GPHN: variants seen among roughly 807,000 people sequenced by gnomAD.
The protein encoded by GPHN is gephyrin.
GPHN carries 17 observed loss-of-function variants against 95.5 expected under a neutral mutation model. That is an observed-to-expected ratio of 0.18 (90% CI 0.12 to 0.27). The LOEUF is 0.27. GPHN is among the 10% of genes least tolerant of loss of function. GPHN has a pLI of 1.00. For synonymous variants in GPHN, 320 were observed against 322.5 expected (o/e 0.99, Z 0.08); for missense variants, 660 against 978.1 (o/e 0.67, Z 4.34).
At chr14:67,350,354 G>C in the GPHN span, among the ~76,000 whole-genome samples, 2 of 152,006 alleles carry the variant, frequency 1.3e-5, no homozygotes, top group Non-Finnish European at 2.9e-5. Flanking sequence ...TTGAAAATAA[G>C]GAAAAATGTT....
At chr14:67,602,701 G>A in the GPHN span, among the ~76,000 whole-genome samples, 2 of 152,228 alleles carry the variant, frequency 1.3e-5, no homozygotes, top group East Asian at 3.9e-4. Context: ...CAACAAACTA[G>A]TATTAGTAGA....
the GPHN span, chr14:67,353,126 CT>C: frequency 9.9e-7 from 1 of 1,011,952 alleles, no homozygotes. Context: ...TAAAATTATC[CT>C]TTATCCTTTG....
At chr14:67,420,819 T>C in the GPHN span, among the ~76,000 whole-genome samples, 1 of 152,214 alleles carries the variant, frequency 6.6e-6, no homozygotes, top group East Asian at 1.9e-4. Flanking sequence ...AGATCCCAAA[T>C]TGAGGTCTTT....
chr14:67,492,755 G>T, the GPHN span, among the ~76,000 whole-genome samples: 1 of 152,192 alleles, frequency 6.6e-6, no homozygotes, highest in Non-Finnish European at 1.5e-5. Context: ...GAAGTCCTGT[G>T]GTAGCTGGTT....
chr14:66,978,358 T>G (rs151119780), intron 9 of GPHN, among the ~76,000 whole-genome samples: 1,832 of 152,330 alleles, frequency 0.012, 19 homozygotes, highest in Non-Finnish European at 0.018. Context: ...ACAGTGAAAC[T>G]TCCTTCAAAA....
the GPHN span, among the ~76,000 whole-genome samples, chr14:67,368,098 G>A: frequency 6.6e-6 from 1 of 152,158 alleles, no homozygotes. Context: ...GTGCCATGCA[G>A]GGCCACATGG....
chr14:67,431,972 G>A, the GPHN span, among the ~76,000 whole-genome samples: 6 of 152,210 alleles, frequency 3.9e-5, no homozygotes, highest in East Asian at 7.7e-4. Flanking sequence ...TTCATGTTGC[G>A]CTCACAGTGA....
At chr14:67,590,040 C>T in the GPHN span, 6 of 1,535,966 alleles carry the variant, frequency 3.9e-6, no homozygotes, top group Admixed American at 1.3e-4. Flanking sequence ...TAAGAGTCAT[C>T]TCCCATGGAA....
At chr14:67,497,015 C>T in the GPHN span, among the ~76,000 whole-genome samples, 1 of 151,934 alleles carries the variant, frequency 6.6e-6, no homozygotes, top group Non-Finnish European at 1.5e-5. Flanking sequence ...CCAGGCTGGT[C>T]TCCTGACCTC....
the GPHN span, among the ~76,000 whole-genome samples, chr14:67,214,223 G>A: frequency 6.6e-6 from 1 of 152,152 alleles, no homozygotes; most frequent in Non-Finnish European, 1.5e-5. Context: ...TGGTGTTTTA[G>A]ACGTGAAGTC....
At chr14:67,323,232 C>CATGT in the GPHN span, among the ~76,000 whole-genome samples, 30 of 143,624 alleles carry the variant, frequency 2.1e-4, no homozygotes, top group African/African-American at 7.5e-4. Context: ...CATATATACA[C>CATGT]GTGTGTGTGT....
chr14:66,750,050 A>G (rs1185286998), intron 2 of GPHN, among the ~76,000 whole-genome samples: 1 of 151,864 alleles, frequency 6.6e-6, no homozygotes, highest in African/African-American at 2.4e-5. Flanking sequence ...ACTGTTGACT[A>G]TAGTCACCCA....
At chr14:66,514,207 A>C (rs1228572312) in intron 1 of GPHN, among the ~76,000 whole-genome samples, 1 of 152,060 alleles carries the variant, frequency 6.6e-6, no homozygotes, top group Non-Finnish European at 1.5e-5. Context: ...AATTAGGCAC[A>C]AAGTATAGAA....
rs867088397 is a variant in GPHN, at chr14:66,583,968, A to G, written c.64+75377A>G. On this transcript the variant is annotated intron_variant, in intron 1 of 22. Transcript: ENST00000478722. ...GGGGATGGCATTGAATCTATAAATT[A>G]CCTTGGGCAGTATGGCCATTTTCAC... Among the ~76,000 whole-genome samples, 554 of 152,154 alleles carry G rather than the reference A, an allele frequency of 3.6e-3. 12 individuals carry two copies. The highest frequency in any genetic ancestry group is 0.013 in the African/African-American group (528 of 41,528).
At chr14:66,516,962 T>A (rs1295903884) in intron 1 of GPHN, among the ~76,000 whole-genome samples, 3 of 151,566 alleles carry the variant, frequency 2.0e-5, no homozygotes, top group Admixed American at 2.0e-4. Context: ...AAACCCCACC[T>A]CTACTAAAAA....
the GPHN span, chr14:67,204,925 C>T: frequency 2.0e-5 from 33 of 1,613,594 alleles, no homozygotes; most frequent in South Asian, 3.4e-4. Flanking sequence ...CACAGATCTT[C>T]CAGAAAATGA....
At chr14:66,562,241 A>G (rs1429499360) in intron 1 of GPHN, among the ~76,000 whole-genome samples, 2 of 152,172 alleles carry the variant, frequency 1.3e-5, no homozygotes, top group Non-Finnish European at 1.5e-5. Context: ...TTTCAGTTAG[A>G]TGAATAAATT....
chr14:66,610,936 A>G (rs1211840850), intron 1 of GPHN, among the ~76,000 whole-genome samples: 1 of 152,124 alleles, frequency 6.6e-6, no homozygotes, highest in African/African-American at 2.4e-5. Flanking sequence ...TGAAGAATGC[A>G]ATTAGATATC....
chr14:67,199,526 G>T, the GPHN span: 1 of 1,611,450 alleles, frequency 6.2e-7, no homozygotes, highest in Non-Finnish European at 8.5e-7. Context: ...TGATGCTTCA[G>T]TTGCAGCAAT....
Sources: allele counts gnomAD v4.1 joint callset (sites outside exome capture counted in the v4.1 genomes callset), GRCh38; gene constraint gnomAD v4.1.1; transcripts MANE v1.5; gene names NCBI Gene and HGNC (gene_info 2026-07-23, HGNC 2026-07-21).